Variants in PCDHA12 observed in about 807,000 individuals in gnomAD.
The protein encoded by PCDHA12 is protocadherin alpha 12.
Under a neutral mutation model 60.0 loss-of-function variants are expected in PCDHA12, and 44 were observed. The observed-to-expected ratio is 0.73, with a 90% CI of 0.58 to 0.94. The LOEUF is 0.94. Among genes scored for constraint, PCDHA12 ranks in the 40% least tolerant of loss-of-function variants. The pLI is 0.00. For missense variants in PCDHA12, 1,276 were observed against 1,239.7 expected (o/e 1.03, Z -0.44); for synonymous variants, 569 against 553.0 (o/e 1.03, Z -0.40).
intron 2 of PCDHA12, chr5:140,982,212 C>A: frequency 2.1e-6 from 1 of 479,448 alleles, no homozygotes; most frequent in Non-Finnish European, 3.3e-6. Flanking sequence ...GTGAGCGCCA[C>A]ATGGCGTTAA....
In PCDHA12 at chr5:140,943,486, T is replaced by C. The variant is rs573341102; in HGVS notation, c.2368-35463T>C. Among the ~76,000 whole-genome samples the C allele has an allele frequency of 2.6e-5, 4 of 152,178 alleles. No homozygotes were observed. The South Asian group carries it at 8.3e-4, about 32-fold the overall frequency. Reference sequence around the variant, plus strand: ...GTGGGAGATACAGTAAAATAATAAATAGATGCTATCAAGGTTCATGGAAAT... The same window carrying C: ...GTGGGAGATACAGTAAAATAATAAACAGATGCTATCAAGGTTCATGGAAAT... On this transcript the variant is annotated intron_variant, in intron 1 of 3. Coordinates refer to ENST00000398631, the MANE Select transcript of PCDHA12 (RefSeq NM_018903.4).
At chr5:140,967,579 C>G in intron 1 of PCDHA12, 7 of 1,614,154 alleles carry the variant, frequency 4.3e-6, no homozygotes, top group South Asian at 1.1e-5. Context: ...AGGACTCACC[C>G]CCAGGCACAT....
chr5:140,889,760 A>T (rs1228592233), intron 1 of PCDHA12, among the ~76,000 whole-genome samples: 1 of 152,158 alleles, frequency 6.6e-6, no homozygotes, highest in Admixed American at 6.5e-5. Flanking sequence ...CTTTCCTTGA[A>T]CTTTGACTGG....
At chr5:140,931,547 T>C (rs2087587732) in intron 1 of PCDHA12, among the ~76,000 whole-genome samples, 1 of 152,064 alleles carries the variant, frequency 6.6e-6, no homozygotes, top group Admixed American at 6.5e-5. Flanking sequence ...ACTGTTCATA[T>C]GTGCAGGAAT....
chr5:140,918,572 G>T (rs2153549346), intron 1 of PCDHA12, among the ~76,000 whole-genome samples: 1 of 152,264 alleles, frequency 6.6e-6, no homozygotes, highest in Middle Eastern at 3.4e-3. Context: ...ATATTATGCT[G>T]CTATTGGCTA....
At chr5:140,973,720 A>G (rs781883210) in intron 1 of PCDHA12, among the ~76,000 whole-genome samples, 1 of 152,194 alleles carries the variant, frequency 6.6e-6, no homozygotes, top group Non-Finnish European at 1.5e-5. Flanking sequence ...GAGCCATCAC[A>G]TGGGCATCTG....
At chr5:140,976,586 T>C (rs1029704575) in intron 1 of PCDHA12, among the ~76,000 whole-genome samples, 2 of 151,988 alleles carry the variant, frequency 1.3e-5, no homozygotes, top group Non-Finnish European at 2.9e-5. Flanking sequence ...AAACACAGAC[T>C]TTTGTGTTAA....
chr5:140,882,234 T>C, intron 1 of PCDHA12: 1 of 1,579,306 alleles, frequency 6.3e-7, no homozygotes, highest in Non-Finnish European at 8.6e-7. Flanking sequence ...GCGTTGTATA[T>C]ATTGCAGATA....
intron 1 of PCDHA12, among the ~76,000 whole-genome samples, chr5:140,932,852 T>C (rs2088679496): frequency 1.3e-5 from 2 of 151,996 alleles, no homozygotes; most frequent in Non-Finnish European, 2.9e-5. Flanking sequence ...ATAATGTTAA[T>C]GACTTATTGT....
chr5:140,979,125 C>T (rs782380399), intron 2 of PCDHA12, 118 bp downstream of exon 2: 4 of 1,479,726 alleles, frequency 2.7e-6, no homozygotes, highest in African/African-American at 2.8e-5. Context: ...GGTACTTTGC[C>T]AGGAAAATGC....
intron 1 of PCDHA12, among the ~76,000 whole-genome samples, chr5:140,905,881 T>C (rs1241086266): frequency 1.3e-5 from 2 of 152,080 alleles, no homozygotes; most frequent in Non-Finnish European, 2.9e-5. Context: ...GGCCCAACAA[T>C]AGGCCATCTG....
chr5:140,941,214 C>CTTCTTTCTTTCTTT (rs1554214039), intron 1 of PCDHA12, among the ~76,000 whole-genome samples: 1 of 122,414 alleles, frequency 8.2e-6, no homozygotes. Flanking sequence ...TTTCTTTCTT[C>CTTCTTTCTTTCTTT]CTTTCTTTCT....
intron 1 of PCDHA12, among the ~76,000 whole-genome samples, chr5:140,971,368 G>A (rs1433220574): frequency 1.3e-5 from 2 of 152,186 alleles, no homozygotes; most frequent in Non-Finnish European, 2.9e-5. Context: ...TGCCAGGAGA[G>A]TGCATGACTT....
intron 1 of PCDHA12, among the ~76,000 whole-genome samples, chr5:140,935,536 G>C (rs2090424655): frequency 6.6e-6 from 1 of 152,104 alleles, no homozygotes; most frequent in Non-Finnish European, 1.5e-5. Context: ...TCAAATTATT[G>C]TGTTTTAAAG....
rs375358450 is a variant in PCDHA12, at chr5:140,876,529, A to G, written c.1057A>G (p.Thr353Ala). 1.2e-5 allele frequency: 19 copies of G among 1,614,034 alleles called. No individual in the cohort carries two copies. The highest frequency in any genetic ancestry group is 1.5e-5 in the Non-Finnish European group (18 of 1,180,012). ...TGACAATGTCCCTGAAGTAATGGTT[A>G]CTTCACTGTCGCTCCCTGTGCAAGA... The part of the protein sequence containing the change: ...VNDNVPEVMV[T>A]SLSLPVQEDA... The change falls in exon 1 of 4, where the codon ACT (threonine) becomes GCT (alanine). Residue 353 changes from threonine to alanine, a missense_variant. Transcript: ENST00000398631.
chr5:140,877,082 C>A lies in PCDHA12; in HGVS notation c.1610C>A (p.Ala537Glu). 1 of 1,613,120 alleles carries A rather than the reference C, an allele frequency of 6.2e-7. No homozygotes were observed. The highest frequency in any genetic ancestry group is 1.3e-5 in the African/African-American group (1 of 75,030). The change falls in exon 1 of 4, where the codon GCG (alanine) becomes GAG (glutamate). Residue 537 changes from alanine (A) to glutamate (E), a missense_variant. Transcript: ENST00000398631. ...GAGCTGCTGCAGTTCCAGGTGAGCG[C>A]GCGCGACGCCGGCGTGCCGCCTCTG... The part of the protein sequence containing the change: ...ELELLQFQVS[A>E]RDAGVPPLGS...
intron 3 of PCDHA12, among the ~76,000 whole-genome samples, chr5:140,988,219 G>C (rs976112285): frequency 1.3e-5 from 2 of 152,132 alleles, no homozygotes; most frequent in African/African-American, 2.4e-5. Flanking sequence ...AAAAAAATGA[G>C]ATCAGGGATC....
intron 1 of PCDHA12, chr5:140,882,543 G>A: frequency 6.2e-7 from 1 of 1,614,236 alleles, no homozygotes; most frequent in Non-Finnish European, 8.5e-7. Context: ...CGGATCGACC[G>A]CGAGGAGCTG....
intron 1 of PCDHA12, chr5:140,884,070 C>T: frequency 1.2e-6 from 2 of 1,613,516 alleles, no homozygotes; most frequent in Non-Finnish European, 1.7e-6. Context: ...GACGCCGATT[C>T]GGGCTACAAT....
Sources: gnomAD v4.1 joint callset for allele counts (sites outside exome capture counted in the v4.1 genomes callset) on GRCh38, gnomAD v4.1.1 for gene constraint, MANE v1.5 for transcripts, NCBI Gene and HGNC (gene_info 2026-07-23, HGNC 2026-07-21) for gene names.